CCDC25: variants seen among roughly 807,000 people sequenced by gnomAD.
The protein encoded by CCDC25 is coiled-coil domain-containing protein 25.
In CCDC25, 16 loss-of-function variants were observed where a neutral mutation model predicts 35.3. The ratio of observed to expected loss-of-function variants is 0.45; its 90% confidence interval spans 0.31 to 0.69. The LOEUF (loss-of-function observed/expected upper bound fraction) is 0.69, where lower values mean the gene tolerates loss of function less well. CCDC25 is among the 30% of genes least tolerant of loss of function. The pLI, the probability that CCDC25 is intolerant of heterozygous loss-of-function variation, is 0.06. For missense variants in CCDC25, 179 were observed against 250.7 expected, an observed-to-expected ratio of 0.71 and a Z score of 1.93; for synonymous variants, 79 against 80.3, an observed-to-expected ratio of 0.98 and a Z score of 0.09.
rs1563439880 is a variant in CCDC25 at position 27,737,172 on chromosome 8, CG to C, written c.598-928del. Among the ~76,000 whole-genome samples the C allele has an allele frequency of 6.6e-6, 1 of 152,078 alleles. No individual in the cohort carries two copies. The highest frequency in any genetic ancestry group is 2.4e-5 in the African/African-American group (1 of 41,406). On this transcript the variant is annotated intron_variant, in intron 8 of 8. Coordinates refer to ENST00000356537, the MANE Select transcript of CCDC25 (RefSeq NM_018246.3). This position sits in a 1 kb window ranked among gnomAD's most constrained non-coding sequence, Gnocchi z 4.6. ...TCTCTGTGGTTCTCTTCCATTAGCA[CG>C]ATGAACTGAAGCCAAGGTAAAAATG...
intron 3 of CCDC25, among the ~76,000 whole-genome samples, chr8:27,761,670 C>G (rs1461598030): frequency 6.6e-6 from 1 of 152,042 alleles, no homozygotes; most frequent in African/African-American, 2.4e-5. Context: ...GTGGTGGAAG[C>G]TGAAGATGAA....
intron 8 of CCDC25, among the ~76,000 whole-genome samples, chr8:27,739,928 G>A (rs539269251): frequency 5.9e-5 from 9 of 152,196 alleles, no homozygotes; most frequent in South Asian, 2.1e-4. Context: ...ATAATTAGAC[G>A]CAATGTTAAG....
At chr8:27,738,423 T>C (rs1275027871) in intron 8 of CCDC25, among the ~76,000 whole-genome samples, 2 of 152,200 alleles carry the variant, frequency 1.3e-5, no homozygotes, top group African/African-American at 4.8e-5. Context: ...CCTTGGAATC[T>C]TGAACTTGAT....
In CCDC25 at chr8:27,763,281, G is replaced by A. The variant is rs117718272; in HGVS notation, c.77-823C>T. On this transcript the variant is annotated intron_variant, in intron 2 of 8. Transcript: ENST00000356537. The stretch of plus-strand genomic sequence containing the variant: ...TATATTTCTAAAAGCTAAAGTATTC[G>A]CTCAAAGTGAATGCACATTTTTTAA... Among the ~76,000 whole-genome samples, 463 of 152,056 alleles carry A rather than the reference G, an allele frequency of 3.0e-3. 4 individuals carry two copies. The East Asian group carries it at 0.038, about 12-fold the overall frequency.
At chr8:27,768,801 C>T (rs780114988) in intron 1 of CCDC25, among the ~76,000 whole-genome samples, 4 of 152,140 alleles carry the variant, frequency 2.6e-5, no homozygotes, top group Non-Finnish European at 5.9e-5. Context: ...GATTATTTCA[C>T]AATTTATAGA....
At chr8:27,757,992 A>G (rs1008885916) in intron 3 of CCDC25, among the ~76,000 whole-genome samples, 2 of 152,176 alleles carry the variant, frequency 1.3e-5, no homozygotes, top group Non-Finnish European at 2.9e-5. Context: ...CATGATTAAA[A>G]GTTCTATGAA....
intron 1 of CCDC25, among the ~76,000 whole-genome samples, chr8:27,767,933 G>A (rs1804455003): frequency 6.6e-6 from 1 of 152,182 alleles, no homozygotes. Flanking sequence ...TAGTCACAGT[G>A]GCTCACGTCT....
intron 4 of CCDC25, chr8:27,752,811 T>TAA (rs71553882): frequency 1.6e-3 from 271 of 174,118 alleles, no homozygotes; most frequent in East Asian, 5.0e-3. Context: ...ACTTAATAAG[T>TAA]AAAAAAAAAA....
In CCDC25 at chr8:27,748,561, C is replaced by T; in HGVS notation, c.282G>A (p.Pro94=). Residue 94 remains proline, a synonymous_variant, in exon 6 of 9, where the codon CCG becomes CCA. Transcript: ENST00000356537. ...CAGCTGTTTTCTTCAGGTTAGACCA[C>T]GGCGTATATACCACATTAACGTTGT... ...KMNNVNVVYT[P]WSNLKKTADM... 4 of 1,613,700 alleles carry T rather than the reference C, an allele frequency of 2.5e-6. No individual in the cohort carries two copies. The highest frequency in any genetic ancestry group is 2.5e-6 in the Non-Finnish European group (3 of 1,179,902).
chr8:27,750,804 C>T (rs1803773539), intron 5 of CCDC25, among the ~76,000 whole-genome samples: 1 of 152,172 alleles, frequency 6.6e-6, no homozygotes, highest in Non-Finnish European at 1.5e-5. Flanking sequence ...GATTCTAGAC[C>T]TATGACCCAG....
Position 27,733,331 on chromosome 8 carries a change from A to G in CCDC25, c.*2885T>C, listed in dbSNP as rs902113850. ...ACACACACAGTTCTACTCAAACTATAAGCTTTTATTATTGTATTTTACAGA... is the reference window on the plus strand; with the variant it reads ...ACACACACAGTTCTACTCAAACTATGAGCTTTTATTATTGTATTTTACAGA... On this transcript the variant is annotated 3_prime_UTR_variant, in exon 9 of 9. Transcript: ENST00000356537. 27 of 152,230 alleles carry G rather than the reference A, an allele frequency of 1.8e-4. No individual in the cohort carries two copies. Among genetic ancestry groups the G allele is most frequent in the African/African-American group, 6.5e-4 (27 of 41,454 alleles). 9.4% of individuals were successfully genotyped at this position (152,230 alleles called of 1,614,324 possible). A position where few individuals can be genotyped will look rare whatever the true frequency, so the allele number is the denominator to read the frequency against.
rs893969164 is a variant in CCDC25, at chr8:27,772,573, G to C, written c.-33C>G. On this transcript the variant is annotated 5_prime_UTR_variant, in exon 1 of 9. Transcript: ENST00000356537. ...GGAGCGGTGCGGTGACTCCACCGCG[G>C]AGCAGCAGCGCTCAACTCACGAAGC... The C allele has an allele frequency of 1.9e-6, 3 of 1,545,928 alleles. No homozygotes were observed. The highest frequency in any genetic ancestry group is 2.0e-5 in the Admixed American group (1 of 50,908).
intron 7 of CCDC25, among the ~76,000 whole-genome samples, chr8:27,744,446 T>C (rs1462058828): frequency 6.6e-6 from 1 of 152,110 alleles, no homozygotes; most frequent in East Asian, 1.9e-4. Flanking sequence ...TTATTTACAG[T>C]AGAAGGCAGT....
chr8:27,770,178 C>T (rs1804541863), intron 1 of CCDC25, among the ~76,000 whole-genome samples: 1 of 152,068 alleles, frequency 6.6e-6, no homozygotes, highest in Admixed American at 6.6e-5. Context: ...CAAAAACTCA[C>T]CTTTTGTAAT....
intron 3 of CCDC25, among the ~76,000 whole-genome samples, chr8:27,761,644 A>G (rs1804232636): frequency 6.6e-6 from 1 of 152,156 alleles, no homozygotes; most frequent in Non-Finnish European, 1.5e-5. Flanking sequence ...GAGAGGCAAT[A>G]CTAGGGTCAG....
chr8:27,765,149 A>C, intron 2 of CCDC25, 55 bp downstream of exon 2: 2 of 1,447,238 alleles, frequency 1.4e-6, no homozygotes, highest in South Asian at 1.3e-5. Flanking sequence ...GTGGTGAGTG[A>C]GAGATAACAC....
chr8:27,764,747 AC>A (rs991094466), intron 2 of CCDC25, among the ~76,000 whole-genome samples: 5 of 152,128 alleles, frequency 3.3e-5, no homozygotes, highest in Non-Finnish European at 7.4e-5. Flanking sequence ...GTCCATCCTA[AC>A]CCACTCCTCC....
In CCDC25 at chr8:27,734,176, C is replaced by A. The variant is rs1803133713; in HGVS notation, c.*2040G>T. 1 of 152,218 alleles carries A rather than the reference C, an allele frequency of 6.6e-6. No homozygotes were observed. The highest frequency in any genetic ancestry group is 2.1e-4 in the South Asian group (1 of 4,834). The allele number at this position is 152,218 out of a possible 1,614,324, so 9.4% of individuals were successfully genotyped here. Reference sequence around the variant, plus strand: ...ATTTGTTCTAGCCCAACCACGGTGACAAAGCTCCCTTGCCCAAAGATCGTG... The same window carrying A: ...ATTTGTTCTAGCCCAACCACGGTGAAAAAGCTCCCTTGCCCAAAGATCGTG... On this transcript the variant is annotated 3_prime_UTR_variant, in exon 9 of 9. Coordinates refer to ENST00000356537, the MANE Select transcript of CCDC25 (RefSeq NM_018246.3).
chr8:27,770,791 T>C (rs13269886), intron 1 of CCDC25, among the ~76,000 whole-genome samples: 3 of 151,028 alleles, frequency 2.0e-5, no homozygotes, highest in Non-Finnish European at 3.0e-5. Context: ...TTAACAAGCA[T>C]ATAGAGTAGC....
Sources: gnomAD v4.1 joint callset for allele counts (sites outside exome capture counted in the v4.1 genomes callset) on GRCh38, gnomAD v4.1.1 for gene constraint, Gnocchi (gnomAD v3.1) non-coding constraint, MANE v1.5 for transcripts, NCBI Gene and HGNC (gene_info 2026-07-23, HGNC 2026-07-21) for gene names.